The following MBOAT1 variants were observed in gnomAD, a reference collection of about 807,000 sequenced individuals.
MBOAT1 encodes membrane bound glycerophospholipid O-acyltransferase 1.
Under a neutral mutation model 64.4 loss-of-function variants are expected in MBOAT1, and 67 were observed. The observed-to-expected ratio is 1.04, with a 90% CI of 0.85 to 1.27. The LOEUF is 1.27. Among genes scored for constraint, MBOAT1 ranks in the 50% most tolerant of loss-of-function variants. The pLI is 0.00. For synonymous variants in MBOAT1, 229 were observed against 218.9 expected (o/e 1.05, Z -0.41); for missense variants, 563 against 604.6 (o/e 0.93, Z 0.72).
At chr6:20,109,931 ATG>A (rs1760081108) in intron 11 of MBOAT1, among the ~76,000 whole-genome samples, 182 bp from the exon 12 acceptor site, 1 of 99,006 alleles carries the variant, frequency 1.0e-5, no homozygotes, top group Non-Finnish European at 1.9e-5. Context: ...TTTTTTTGAG[ATG>A]GAGTCTCGCT....
intron 9 of MBOAT1, among the ~76,000 whole-genome samples, chr6:20,117,759 G>T (rs1268114772): frequency 6.6e-6 from 1 of 152,218 alleles, no homozygotes; most frequent in Admixed American, 6.5e-5. Context: ...CAACGCTTCT[G>T]CATGTTGAGA....
At chr6:20,166,620 T>C (rs1040414990) in intron 1 of MBOAT1, among the ~76,000 whole-genome samples, 1 of 152,046 alleles carries the variant, frequency 6.6e-6, no homozygotes, top group Non-Finnish European at 1.5e-5. Context: ...GCATCAGTAA[T>C]TGGGTGGCCA....
At chr6:20,189,563 G>A (rs1008362455) in intron 1 of MBOAT1, among the ~76,000 whole-genome samples, 2 of 152,044 alleles carry the variant, frequency 1.3e-5, no homozygotes, top group African/African-American at 4.8e-5. Context: ...ACTATACTCA[G>A]GTAGCAATTT....
At chr6:20,113,385 G>C (rs1760231153) in intron 10 of MBOAT1, among the ~76,000 whole-genome samples, 1 of 152,234 alleles carries the variant, frequency 6.6e-6, no homozygotes, top group Non-Finnish European at 1.5e-5. Context: ...GGGTGCTTAA[G>C]TAAGTGCCAT....
At position 20,203,083 on chromosome 6, in the gene MBOAT1, C is replaced by A. The variant is rs536098179; in HGVS notation, c.99+9053G>T. 5.9e-5 allele frequency among the ~76,000 whole-genome samples: 9 copies of A among 152,272 alleles called. No homozygotes were observed. In the East Asian group the frequency reaches 1.7e-3, roughly 29 times the overall value. ...CTTTGGGAGGCCAAGGCAGGAGGAT[C>A]ACTTAAGCCCAGGAGTTCAAGACCA... is the stretch of plus-strand genomic sequence containing the variant. On this transcript the variant is annotated intron_variant, in intron 1 of 12. Coordinates refer to ENST00000324607, the MANE Select transcript of MBOAT1 (RefSeq NM_001080480.3).
At chr6:20,196,815 A>G (rs553964597) in intron 1 of MBOAT1, among the ~76,000 whole-genome samples, 2 of 151,754 alleles carry the variant, frequency 1.3e-5, no homozygotes, top group South Asian at 4.2e-4. Flanking sequence ...GAGCCGAGAG[A>G]GCACCATTTG....
intron 1 of MBOAT1, among the ~76,000 whole-genome samples, chr6:20,190,343 T>C (rs751049622): frequency 2.0e-5 from 3 of 152,178 alleles, no homozygotes; most frequent in Admixed American, 6.5e-5. Context: ...AAAATATAAA[T>C]GTAAATATCA....
At chr6:20,131,237 A>C in intron 4 of MBOAT1, 38 bp from the exon 5 acceptor site, 1 of 1,584,916 alleles carries the variant, frequency 6.3e-7, no homozygotes, top group Non-Finnish European at 8.7e-7. Flanking sequence ...ATTGGCAAGA[A>C]GGCCATTGAT....
chr6:20,138,882 CTG>C (rs1343521255), intron 4 of MBOAT1, among the ~76,000 whole-genome samples: 1 of 152,210 alleles, frequency 6.6e-6, no homozygotes, highest in Non-Finnish European at 1.5e-5. Flanking sequence ...CTGGTTCCTT[CTG>C]CAGGCGCTGA....
chr6:20,152,339 T>TAAAAATAAA (rs1761524240), intron 2 of MBOAT1, among the ~76,000 whole-genome samples: 4 of 136,030 alleles, frequency 2.9e-5, no homozygotes, highest in Non-Finnish European at 4.7e-5. Flanking sequence ...AAAAAAAAAA[T>TAAAAATAAA]AAAAAATAAA....
chr6:20,115,348 G>A lies in MBOAT1; in HGVS notation c.1016C>T (p.Ala339Val), dbSNP rs1185478776. Residue 339 changes from alanine to valine, a missense_variant, in exon 10 of 13, where the codon GCC (alanine) becomes GTC (valine). Transcript: ENST00000324607. ...TTCCAAGTACATTTTGAAACTTGTG[G>A]CAGTCTGGAAAGAAGAAAATAACAC... ...SNLNIWKIETATSFKMYLENW... is the reference protein window; with the variant it reads ...SNLNIWKIETVTSFKMYLENW... The A allele has an allele frequency of 6.2e-7, 1 of 1,613,194 alleles. No homozygotes were observed. Among genetic ancestry groups the A allele is most frequent in the African/African-American group, 1.3e-5 (1 of 74,870 alleles).
chr6:20,197,502 A>C (rs1428632992), intron 1 of MBOAT1, among the ~76,000 whole-genome samples: 1 of 152,202 alleles, frequency 6.6e-6, no homozygotes, highest in African/African-American at 2.4e-5. Context: ...GGTTTCACTA[A>C]GCCAGACTAA....
At chr6:20,131,413 T>A (rs1450753262) in intron 4 of MBOAT1, among the ~76,000 whole-genome samples, 2 of 152,218 alleles carry the variant, frequency 1.3e-5, no homozygotes, top group Non-Finnish European at 2.9e-5. Flanking sequence ...GATGGTTTTA[T>A]AAGGGGCTTC....
intron 1 of MBOAT1, among the ~76,000 whole-genome samples, chr6:20,180,490 C>A (rs918995318): frequency 6.6e-6 from 1 of 152,144 alleles, no homozygotes; most frequent in Non-Finnish European, 1.5e-5. Context: ...GACTCTTGGG[C>A]CCCTCGGACA....
At chr6:20,149,556 A>G (rs1009510685) in intron 3 of MBOAT1, among the ~76,000 whole-genome samples, 3 of 152,208 alleles carry the variant, frequency 2.0e-5, no homozygotes, top group East Asian at 1.9e-4. Context: ...TTGTCATCAT[A>G]TGAAACATTT....
At chr6:20,160,182 C>G (rs561228488) in intron 1 of MBOAT1, among the ~76,000 whole-genome samples, 1 of 152,212 alleles carries the variant, frequency 6.6e-6, no homozygotes. Context: ...TTTTCAAACG[C>G]AAGTCTTAAA....
chr6:20,139,606 T>TA (rs1349338781), intron 4 of MBOAT1, among the ~76,000 whole-genome samples: 10 of 128,562 alleles, frequency 7.8e-5, no homozygotes. Flanking sequence ...CCAGGTGGAG[T>TA]ACAGTGGCAT....
chr6:20,173,325 A>G (rs1445617708), intron 1 of MBOAT1, among the ~76,000 whole-genome samples: 2 of 152,184 alleles, frequency 1.3e-5, no homozygotes, highest in Non-Finnish European at 2.9e-5. Context: ...GCCTCTGAGT[A>G]ATAGAAACTG....
chr6:20,168,775 G>GGGGAA (rs757251420), intron 1 of MBOAT1, among the ~76,000 whole-genome samples: 3,235 of 93,356 alleles, frequency 0.035, 53 homozygotes, highest in Non-Finnish European at 0.046. Flanking sequence ...GGGGAGAGGA[G>GGGGAA]GGGAAGGGAA....
Sources: allele counts gnomAD v4.1 joint callset (sites outside exome capture counted in the v4.1 genomes callset), GRCh38; gene constraint gnomAD v4.1.1; transcripts MANE v1.5; gene names NCBI Gene and HGNC (gene_info 2026-07-23, HGNC 2026-07-21).